The following IPO5 variants were observed in gnomAD, a reference collection of about 807,000 sequenced individuals.
IPO5 encodes importin-5.
Under a neutral mutation model 143.3 loss-of-function variants are expected in IPO5, and 18 were observed. The observed-to-expected ratio is 0.13, with a 90% confidence interval of 0.09 to 0.19. The LOEUF (loss-of-function observed/expected upper bound fraction) is 0.19. IPO5 is among the 10% of genes least tolerant of loss of function. The pLI is 1.00. For missense variants in IPO5, 1,013 were observed against 1,336.9 expected, an observed-to-expected ratio of 0.76 and a Z score of 3.78; for synonymous variants, 477 against 465.7, an observed-to-expected ratio of 1.02 and a Z score of -0.31.
chr13:97,963,966 CAT>C (rs1201038616), intron 2 of IPO5, among the ~76,000 whole-genome samples: 5 of 152,074 alleles, frequency 3.3e-5, no homozygotes, highest in African/African-American at 7.2e-5. Context: ...AGCTTTTTTT[CAT>C]ATGTTTGTTG....
intron 2 of IPO5, among the ~76,000 whole-genome samples, chr13:97,956,523 C>G (rs1180303804): frequency 6.6e-6 from 1 of 152,118 alleles, no homozygotes; most frequent in Non-Finnish European, 1.5e-5. Flanking sequence ...TCCCTGGGCA[C>G]CCTATTTTAA....
intron 3 of IPO5, chr13:97,976,346 C>CT (rs1326377862): frequency 6.6e-6 from 1 of 152,086 alleles, no homozygotes; most frequent in Non-Finnish European, 1.5e-5. Flanking sequence ...AGCCGCCAGC[C>CT]TACCCAACCG....
At chr13:97,988,867 T>G (rs565618101) in intron 6 of IPO5, among the ~76,000 whole-genome samples, 195 bp from the exon 7 acceptor site, 1 of 125,494 alleles carries the variant, frequency 8.0e-6, no homozygotes, top group South Asian at 3.0e-4. Flanking sequence ...TGTTTGGTCT[T>G]TTTTTTTTTT....
chr13:98,015,764 G>C lies in IPO5; in HGVS notation c.2476G>C (p.Glu826Gln). 1.2e-6 allele frequency: 2 copies of C among 1,609,782 alleles called. No individual in the cohort carries two copies. The change falls in exon 24 of 29, where the codon GAG becomes CAG. Residue 826 changes from glutamate to glutamine, a missense_variant. Around this residue, in one of 2 missense-constraint regions of IPO5, gnomAD observed 685 missense variants for 994.9 expected, o/e 0.69. Transcript: ENST00000651721. ...TGAAGACTATGATGAACAGGTCGAAGAGTCACTACAAGATGAGGTAAGTTA... is the reference window on the plus strand; with the variant it reads ...TGAAGACTATGATGAACAGGTCGAACAGTCACTACAAGATGAGGTAAGTTA... ...QDEDYDEQVE[E>Q]SLQDEDDNDV... is the part of the protein sequence containing the mutation.
chr13:97,999,353 C>T lies in IPO5; in HGVS notation c.1002-1186C>T, dbSNP rs546819504. Among the ~76,000 whole-genome samples, 9 of 152,240 alleles carry T rather than the reference C, an allele frequency of 5.9e-5. No individual in the cohort carries two copies. In the South Asian group the frequency reaches 1.7e-3, roughly 28 times the overall value. On this transcript the variant is annotated intron_variant, in intron 12 of 28. Transcript: ENST00000651721. ...TCTTTCACTGGAAATCACCTGATAACGGCTGAAGAGAAGACCAGGGCTAGG... is the reference window on the plus strand; with the variant it reads ...TCTTTCACTGGAAATCACCTGATAATGGCTGAAGAGAAGACCAGGGCTAGG...
intron 21 of IPO5, among the ~76,000 whole-genome samples, chr13:98,013,603 G>A (rs1255956077): frequency 1.3e-5 from 2 of 152,122 alleles, no homozygotes; most frequent in Non-Finnish European, 2.9e-5. Context: ...TTTTATAAAT[G>A]AGATTAGATA....
At chr13:98,001,085 G>A (rs562492520) in intron 13 of IPO5, among the ~76,000 whole-genome samples, 66 of 152,292 alleles carry the variant, frequency 4.3e-4, no homozygotes, top group South Asian at 1.2e-3. Context: ...TGTTGCCCAG[G>A]CTGGTCTCAA....
chr13:97,979,646 A>G (rs557936987), intron 4 of IPO5, among the ~76,000 whole-genome samples: 32 of 152,328 alleles, frequency 2.1e-4, no homozygotes, highest in Middle Eastern at 3.4e-3. Context: ...TTATTTTCTT[A>G]CTAAGGTTCT....
At chr13:98,014,319 C>T in intron 22 of IPO5, 105 bp downstream of exon 22, 1 of 820,608 alleles carries the variant, frequency 1.2e-6, no homozygotes, top group African/African-American at 1.7e-5. Context: ...GCTCTGTCAC[C>T]CAGGCTGGAG....
At chr13:97,979,844 A>G in intron 4 of IPO5, 1 of 455,948 alleles carries the variant, frequency 2.2e-6, no homozygotes, top group South Asian at 1.6e-5. Context: ...AGATTTCAAT[A>G]GACAGAGGAT....
chr13:98,017,927 A>G (rs1485577036), intron 25 of IPO5, among the ~76,000 whole-genome samples: 4 of 152,076 alleles, frequency 2.6e-5, no homozygotes, highest in Non-Finnish European at 2.9e-5. Context: ...TTGGCCTCCT[A>G]AAGTGCTGGG....
At chr13:97,997,710 C>G in intron 12 of IPO5, 92 bp downstream of exon 12, 2 of 592,670 alleles carry the variant, frequency 3.4e-6, no homozygotes, top group Non-Finnish European at 5.7e-6. Flanking sequence ...TGAAGGTAAA[C>G]TTTTAAGCCT....
At chr13:97,973,146 G>T (rs1037652791) in intron 3 of IPO5, among the ~76,000 whole-genome samples, 1 of 145,602 alleles carries the variant, frequency 6.9e-6, no homozygotes, top group Non-Finnish European at 1.5e-5. Flanking sequence ...GGGTTCAAGC[G>T]ATTCTCCTGC....
chr13:98,015,809 A>C, intron 24 of IPO5, 28 bp downstream of exon 24: 1 of 1,479,594 alleles, frequency 6.8e-7, no homozygotes, highest in Non-Finnish European at 9.2e-7. Context: ...GAACTTACTT[A>C]CGTGACCACT....
chr13:98,004,624 G>A (rs942759330), intron 16 of IPO5, among the ~76,000 whole-genome samples: 6 of 152,154 alleles, frequency 3.9e-5, no homozygotes, highest in African/African-American at 9.7e-5. Context: ...CAGTGTTCAC[G>A]AGGAAGAGTT....
rs145166442 is a variant in IPO5 at position 98,019,681 on chromosome 13, C to T, written c.2937C>T (p.Ile979=). ...ACTGCATCTCAGCAGTAGGGAAAAT[C>T]ATGAAGTTCAAGCCTGACTGTGTAA... ...TENCISAVGK[I]MKFKPDCVNV... The change falls in exon 27 of 29, where the codon ATC becomes ATT. Residue 979 remains isoleucine (I), a synonymous_variant. Coordinates refer to ENST00000651721, the MANE Select transcript of IPO5 (RefSeq NM_002271.6). 1 of 1,613,998 alleles carries T rather than the reference C, an allele frequency of 6.2e-7. No homozygotes were observed. Among genetic ancestry groups the T allele is most frequent in the Non-Finnish European group, 8.5e-7 (1 of 1,179,872 alleles).
chr13:98,005,986 A>G, intron 16 of IPO5, 144 bp from the exon 17 acceptor site: 1 of 626,636 alleles, frequency 1.6e-6, no homozygotes, highest in Admixed American at 2.9e-5. Flanking sequence ...ATTTCCTCCA[A>G]AACCTACAGT....
In IPO5 at chr13:98,002,373, CTT is replaced by C. The variant is rs548431897; in HGVS notation, c.1109-91_1109-90del. 3.4e-4 allele frequency: 434 copies of C among 1,284,628 alleles called. 1 individual carries two copies. The East Asian group carries it at 9.3e-3, about 27-fold the overall frequency. The allele number at this position is 1,284,628 out of a possible 1,614,324, so 79.6% of individuals were successfully genotyped here. A position where few individuals can be genotyped will look rare whatever the true frequency, so the allele number is the denominator to read the frequency against. ...CCCTTTTCAAAAAAGTTTTGTTACT[CTT>C]TTCCAAATAAGAACTTTTATACATC... On this transcript the variant is annotated intron_variant, in intron 13 of 28. Transcript: ENST00000651721.
chr13:98,014,018 T>C (rs1889920037), intron 21 of IPO5, 24 bp from the exon 22 acceptor site: 3 of 1,596,488 alleles, frequency 1.9e-6, no homozygotes, highest in Non-Finnish European at 2.6e-6. Context: ...TAAACAGTCT[T>C]TTGAGGTTCC....
Sources: allele counts gnomAD v4.1 joint callset (sites outside exome capture counted in the v4.1 genomes callset), GRCh38; gene constraint gnomAD v4.1.1; regional missense constraint gnomAD v4.1.1; transcripts MANE v1.5; gene names NCBI Gene and HGNC (gene_info 2026-07-23, HGNC 2026-07-21).